The following NFXL1 variants were observed in gnomAD, a reference collection of about 807,000 sequenced individuals.
NFXL1 encodes the protein nuclear transcription factor, X-box binding like 1, also known as NF-X1-type zinc finger protein NFXL1.
NFXL1 carries 66 observed loss-of-function variants against 123.3 expected under a neutral mutation model. The ratio of observed to expected loss-of-function variants is 0.54; its 90% CI spans 0.44 to 0.66. The LOEUF is 0.66. NFXL1 is among the 30% of genes least tolerant of loss of function. The probability of loss-of-function intolerance (pLI) is 0.00; values close to 1 mark genes in which losing one functional copy is unlikely to be tolerated. For synonymous variants in NFXL1, 346 were observed against 360.8 expected (o/e 0.96, Z 0.46); for missense variants, 944 against 1,125.6 (o/e 0.84, Z 2.31).
Position 47,884,346 on chromosome 4 carries a change from A to G in NFXL1, c.1916T>C (p.Met639Thr). 6.5e-7 allele frequency: 1 copy of G among 1,549,268 alleles called. No homozygotes were observed. Among genetic ancestry groups the G allele is most frequent in the East Asian group, 2.2e-5 (1 of 44,480 alleles). ...PCPPCQVPIP[M>T]ECLGKHEVSP... ...TTTTAATTGAAATTCTAATACTTAC[A>G]TAGGAATAGGAACTTGACATGGAGG... Residue 639 changes from methionine (M) to threonine (T), a missense_variant and splice_region_variant, in exon 15 of 23, where the codon ATG becomes ACG. Coordinates refer to ENST00000507489, the MANE Select transcript of NFXL1 (RefSeq NM_001278624.2).
chr4:47,885,456 C>T (rs779195898), intron 14 of NFXL1, 42 bp downstream of exon 14: 6 of 1,505,014 alleles, frequency 4.0e-6, no homozygotes, highest in Non-Finnish European at 5.5e-6. Context: ...AAAGTACAAC[C>T]CACAGCAATG....
In NFXL1 at chr4:47,890,660, C is replaced by T. The variant is rs371099653; in HGVS notation, c.1496G>A (p.Arg499Gln). Residue 499 changes from arginine to glutamine, a missense_variant, in exon 12 of 23, where the codon CGG becomes CAG. Transcript: ENST00000507489. ...CTTATGGTTTCTACATCCTAAAGTC[C>T]GTCCACAGTTTTGATCACAAGGTGG... ...NCPPCDQNCG[R>Q]TLGCRNHKCP... 1.4e-5 allele frequency: 23 copies of T among 1,611,114 alleles called. No homozygotes were observed. The highest frequency in any genetic ancestry group is 5.0e-5 in the Admixed American group (3 of 59,974).
At chr4:47,855,482 G>A (rs1734358656) in intron 19 of NFXL1, among the ~76,000 whole-genome samples, 1 of 151,936 alleles carries the variant, frequency 6.6e-6, no homozygotes, top group East Asian at 1.9e-4. Flanking sequence ...AGCAAGTACA[G>A]GTGATTCATG....
intron 19 of NFXL1, among the ~76,000 whole-genome samples, chr4:47,861,016 C>T (rs1158027347): frequency 7.6e-5 from 6 of 79,104 alleles, no homozygotes; most frequent in African/African-American, 2.1e-4. Context: ...CCACGTCAGG[C>T]TATTTTTTTT....
intron 3 of NFXL1, among the ~76,000 whole-genome samples, chr4:47,908,758 AT>A (rs1187231738): frequency 6.6e-6 from 1 of 152,018 alleles, no homozygotes; most frequent in Middle Eastern, 3.2e-3. Flanking sequence ...GATCAAGACC[AT>A]CCTGGCTAAC....
intron 15 of NFXL1, among the ~76,000 whole-genome samples, chr4:47,883,584 A>G (rs781000539): frequency 4.6e-5 from 7 of 152,328 alleles, no homozygotes; most frequent in Non-Finnish European, 1.0e-4. Context: ...TCCTAACAAC[A>G]CTTTGCCTCC....
intron 9 of NFXL1, among the ~76,000 whole-genome samples, chr4:47,897,144 T>C (rs1207296699): frequency 3.9e-5 from 6 of 151,968 alleles, no homozygotes; most frequent in Admixed American, 3.3e-4. Context: ...AGCCCATCTC[T>C]ACAAAAAATT....
Position 47,914,192 on chromosome 4 carries a change from G to A in NFXL1, c.12C>T (p.Ser4=), listed in dbSNP as rs1051582631. 4 of 1,518,392 alleles carry A rather than the reference G, an allele frequency of 2.6e-6. No individual in the cohort carries two copies. In the African/African-American group the frequency reaches 4.2e-5, roughly 16 times the overall value. 94.1% of individuals were successfully genotyped at this position (1,518,392 alleles called of 1,614,324 possible). A position where few individuals can be genotyped will look rare whatever the true frequency, so the allele number is the denominator to read the frequency against. Residue 4 remains serine (S), a synonymous_variant, in exon 2 of 23, where the codon TCC becomes TCT. Transcript: ENST00000507489. ...CTCGGCCACCGGCCACCTGGCGCCAGGAAGCTTCCATCCCTGCAAAGGAGA... is the reference window on the plus strand; with the variant it reads ...CTCGGCCACCGGCCACCTGGCGCCAAGAAGCTTCCATCCCTGCAAAGGAGA... MEA[S]WRQVAGGRGR...
intron 14 of NFXL1, among the ~76,000 whole-genome samples, chr4:47,885,103 C>T (rs553228312): frequency 6.6e-4 from 94 of 142,978 alleles, no homozygotes; most frequent in Admixed American, 2.2e-3. Context: ...CCAGCCTGGG[C>T]AACAGAGTGA....
intron 18 of NFXL1, among the ~76,000 whole-genome samples, chr4:47,873,069 T>C (rs1413143496): frequency 6.6e-6 from 1 of 152,232 alleles, no homozygotes; most frequent in African/African-American, 2.4e-5. Context: ...CAGGAATAGA[T>C]TCCACTTTCT....
chr4:47,912,919 C>T (rs1430432815), intron 2 of NFXL1, among the ~76,000 whole-genome samples: 3 of 148,068 alleles, frequency 2.0e-5, no homozygotes, highest in Admixed American at 6.7e-5. Flanking sequence ...AGGCTGAGGC[C>T]GGAGAACGGC....
rs1376491837 is a variant in NFXL1, at chr4:47,912,994, C to CA, written c.235+974_235+975insT. On this transcript the variant is annotated intron_variant, in intron 2 of 22. Transcript: ENST00000507489. ...CGCCACTGCACTCCAGCCTGGGCGA[C>CA]CAGCGAGACTCTGTCTCAAAAAAAA... is the stretch of plus-strand genomic sequence containing the variant. Among the ~76,000 whole-genome samples, 360 of 133,254 alleles carry CA rather than the reference C, an allele frequency of 2.7e-3. 3 individuals are homozygous for CA. Among genetic ancestry groups the CA allele is most frequent in the African/African-American group, 9.7e-3 (348 of 35,778 alleles). 87.4% of individuals were successfully genotyped at this position (133,254 alleles called of 152,430 possible). A position where few individuals can be genotyped will look rare whatever the true frequency, so the allele number is the denominator to read the frequency against.
chr4:47,889,496 G>A (rs954123240), intron 12 of NFXL1, among the ~76,000 whole-genome samples: 5 of 152,116 alleles, frequency 3.3e-5, no homozygotes, highest in Admixed American at 6.6e-5. Flanking sequence ...TATTAACCTT[G>A]GGCCAATAGT....
intron 17 of NFXL1, 129 bp downstream of exon 17, chr4:47,878,396 G>A (rs2110070012): frequency 1.5e-6 from 1 of 667,400 alleles, no homozygotes; most frequent in Non-Finnish European, 2.5e-6. Flanking sequence ...AGGAAAAGAA[G>A]GAGAAGGGAT....
At chr4:47,903,408 T>C in intron 4 of NFXL1, 85 bp from the exon 5 acceptor site, 1 of 860,286 alleles carries the variant, frequency 1.2e-6, no homozygotes, top group Non-Finnish European at 1.6e-6. Flanking sequence ...CACACTAAAC[T>C]ATTTTCAAGA....
At chr4:47,856,972 A>G (rs574669342) in intron 19 of NFXL1, among the ~76,000 whole-genome samples, 19 of 152,260 alleles carry the variant, frequency 1.2e-4, no homozygotes, top group African/African-American at 4.3e-4. Flanking sequence ...GCATTAGCTC[A>G]CCACTTATTC....
intron 18 of NFXL1, among the ~76,000 whole-genome samples, chr4:47,871,400 T>C (rs1735424592): frequency 6.6e-6 from 1 of 151,828 alleles, no homozygotes; most frequent in South Asian, 2.1e-4. Flanking sequence ...GTTATTTCCA[T>C]GGGTTTCTAT....
intron 11 of NFXL1, among the ~76,000 whole-genome samples, chr4:47,892,485 GA>G (rs1736836103): frequency 6.6e-6 from 1 of 152,132 alleles, no homozygotes. Flanking sequence ...CAAAAGCTGA[GA>G]AAGAACCACT....
At chr4:47,904,905 T>TTCAAA (rs1283801730) in intron 4 of NFXL1, among the ~76,000 whole-genome samples, 1 of 52,426 alleles carries the variant, frequency 1.9e-5, no homozygotes, top group Non-Finnish European at 4.5e-5. Context: ...CGTATCTTTT[T>TTCAAA]CCAAAAGTAA....
Sources: gnomAD v4.1 joint callset for allele counts (sites outside exome capture counted in the v4.1 genomes callset) on GRCh38, gnomAD v4.1.1 for gene constraint, MANE v1.5 for transcripts, NCBI Gene and HGNC (gene_info 2026-07-23, HGNC 2026-07-21) for gene names.